The following ANO4 variants were observed in gnomAD, a reference collection of about 807,000 sequenced individuals.
ANO4 encodes the protein anoctamin 4.
ANO4 carries 69 observed loss-of-function variants against 141.9 expected under a neutral mutation model. The ratio of observed to expected loss-of-function variants is 0.49; its 90% CI spans 0.40 to 0.59. The LOEUF is 0.59. ANO4 is among the 20% of genes least tolerant of loss of function. The pLI, the probability that ANO4 is intolerant of heterozygous loss-of-function variation, is 0.00. For missense variants in ANO4, 894 were observed against 1,162.2 expected, an observed-to-expected ratio of 0.77 and a Z score of 3.36; for synonymous variants, 350 against 394.3, an observed-to-expected ratio of 0.89 and a Z score of 1.33.
chr12:101,121,493 C>A (rs2051091090), intron 26 of ANO4, among the ~76,000 whole-genome samples: 2 of 152,114 alleles, frequency 1.3e-5, no homozygotes, highest in Admixed American at 1.3e-4. Context: ...TTGATGGGCA[C>A]CCAGGTTGAT....
At chr12:101,048,549 T>C (rs1260696496) in intron 14 of ANO4, 148 bp downstream of exon 14, 3 of 691,338 alleles carry the variant, frequency 4.3e-6, no homozygotes, top group Non-Finnish European at 7.1e-6. Flanking sequence ...AATAATTTAT[T>C]GGGTTTATTT....
intron 14 of ANO4, among the ~76,000 whole-genome samples, chr12:101,051,047 C>A (rs1043324126): frequency 6.6e-6 from 1 of 152,116 alleles, no homozygotes; most frequent in African/African-American, 2.4e-5. Context: ...CACAGTTTAC[C>A]TCCTGAGACT....
intron 5 of ANO4, among the ~76,000 whole-genome samples, chr12:100,968,523 G>A (rs2043782589): frequency 6.6e-6 from 1 of 152,100 alleles, no homozygotes; most frequent in African/African-American, 2.4e-5. Flanking sequence ...CTCATAGGAA[G>A]ATGAGTGAAT....
rs936125845 is a variant in ANO4 at position 101,118,119 on chromosome 12, C to G, written c.2570+1321C>G. On this transcript the variant is annotated intron_variant, in intron 25 of 27. Coordinates refer to ENST00000392977, the MANE Select transcript of ANO4 (RefSeq NM_001286615.2). ...GATACTTTCTTCAGTAGATTTCCCA[C>G]TTGCTTGTCCAGACCATTTCGTACA... Among the ~76,000 whole-genome samples the G allele has an allele frequency of 2.0e-5, 3 of 152,256 alleles. 1 individual carries two copies. The highest frequency in any genetic ancestry group is 4.4e-5 in the Non-Finnish European group (3 of 68,024).
chr12:100,930,968 T>G (rs2042068135), intron 3 of ANO4, among the ~76,000 whole-genome samples: 1 of 152,176 alleles, frequency 6.6e-6, no homozygotes, highest in Admixed American at 6.6e-5. Flanking sequence ...GAACAGAGAT[T>G]GAAAACTGCT....
intron 1 of ANO4, among the ~76,000 whole-genome samples, chr12:100,833,650 A>C (rs2036748931): frequency 6.6e-6 from 1 of 152,080 alleles, no homozygotes; most frequent in Non-Finnish European, 1.5e-5. Flanking sequence ...TCTTGTCTCA[A>C]ATCTAAGCTC....
intron 3 of ANO4, among the ~76,000 whole-genome samples, chr12:100,767,309 G>T (rs2033128834): frequency 6.6e-6 from 1 of 151,968 alleles, no homozygotes; most frequent in African/African-American, 2.4e-5. Flanking sequence ...GTTTCTTTGT[G>T]ATTTGATTTT....
intron 1 of ANO4, among the ~76,000 whole-genome samples, chr12:100,719,111 G>T (rs1037550664): frequency 2.6e-5 from 4 of 152,150 alleles, no homozygotes; most frequent in Non-Finnish European, 4.4e-5. Flanking sequence ...GAAAAAGGTG[G>T]CAGATCTTTG....
intron 5 of ANO4, among the ~76,000 whole-genome samples, chr12:100,968,266 T>TGGA (rs10681070): frequency 4.6e-5 from 7 of 151,958 alleles, no homozygotes; most frequent in African/African-American, 1.7e-4. Context: ...TATAGAAATG[T>TGGA]ATTTATATTG....
At chr12:100,788,206 C>T (rs1167443266) in intron 3 of ANO4, among the ~76,000 whole-genome samples, 1 of 152,082 alleles carries the variant, frequency 6.6e-6, no homozygotes, top group Non-Finnish European at 1.5e-5. Context: ...TTCTGGGCTC[C>T]CTGAAGTCAT....
At chr12:100,837,443 T>C (rs919780401) in intron 1 of ANO4, among the ~76,000 whole-genome samples, 1 of 152,112 alleles carries the variant, frequency 6.6e-6, no homozygotes, top group Non-Finnish European at 1.5e-5. Context: ...ATCGTATCTT[T>C]TAAATAGTCT....
At position 100,729,663 on chromosome 12, in the gene ANO4, T is replaced by C. The variant is rs149877503; in HGVS notation, c.23-4111T>C. ...TCCCACTAGTTACATGATTTTATCA[T>C]TTAACTCTAGGTGGTTCTTAAAGGA... On this transcript the variant is annotated intron_variant, in intron 1 of 29. Coordinates refer to the ANO4 transcript ENST00000644049. Among the ~76,000 whole-genome samples, 1,306 of 152,324 alleles carry C rather than the reference T, an allele frequency of 8.6e-3. 23 individuals are homozygous for C. The highest frequency in any genetic ancestry group is 0.029 in the African/African-American group (1,225 of 41,574).
At chr12:101,033,339 G>T (rs2047057848) in intron 9 of ANO4, among the ~76,000 whole-genome samples, 1 of 151,702 alleles carries the variant, frequency 6.6e-6, no homozygotes, top group African/African-American at 2.4e-5. Context: ...AGGGGGGAGG[G>T]ATAGCATTGG....
At chr12:101,061,861 C>A (rs1406399013) in intron 14 of ANO4, among the ~76,000 whole-genome samples, 2 of 151,954 alleles carry the variant, frequency 1.3e-5, no homozygotes, top group East Asian at 3.9e-4. Context: ...TTATTACCCA[C>A]CTTCTGAAGC....
At chr12:101,020,810 T>C (rs2046494389) in intron 9 of ANO4, among the ~76,000 whole-genome samples, 1 of 152,342 alleles carries the variant, frequency 6.6e-6, no homozygotes, top group East Asian at 1.9e-4. Context: ...TCCTGCCTTA[T>C]TAAACAGATT....
intron 1 of ANO4, among the ~76,000 whole-genome samples, chr12:100,799,471 G>A (rs985890090): frequency 6.6e-6 from 1 of 152,178 alleles, no homozygotes; most frequent in African/African-American, 2.4e-5. Flanking sequence ...GGCCAGGGGC[G>A]GTGGCCCATG....
intron 22 of ANO4, among the ~76,000 whole-genome samples, chr12:101,102,630 A>G (rs1416746707): frequency 1.3e-5 from 2 of 152,102 alleles, no homozygotes; most frequent in East Asian, 1.9e-4. Context: ...AAAATTAAAT[A>G]TCACTTCTCA....
chr12:100,932,146 C>T (rs1343004922), intron 3 of ANO4, among the ~76,000 whole-genome samples: 2 of 151,978 alleles, frequency 1.3e-5, no homozygotes, highest in Non-Finnish European at 1.5e-5. Flanking sequence ...CTGCAAAGCC[C>T]TCTTCTGTCT....
intron 2 of ANO4, among the ~76,000 whole-genome samples, chr12:100,902,655 C>T (rs1027280045): frequency 7.2e-5 from 11 of 152,350 alleles, no homozygotes; most frequent in Admixed American, 2.0e-4. Context: ...CATCTCTACT[C>T]ATGTCACACC....
Sources: allele counts gnomAD v4.1 joint callset (sites outside exome capture counted in the v4.1 genomes callset), GRCh38; gene constraint gnomAD v4.1.1; transcripts MANE v1.5; gene names NCBI Gene and HGNC (gene_info 2026-07-23, HGNC 2026-07-21).